The following SLC17A1 variants were observed in gnomAD, a reference collection of about 807,000 sequenced individuals.
SLC17A1 encodes the protein solute carrier family 17 member 1.
SLC17A1 carries 51 observed loss-of-function variants against 53.5 expected under a neutral mutation model. The observed-to-expected ratio is 0.95, with a 90% confidence interval of 0.76 to 1.20. The LOEUF is 1.20. Among genes scored for constraint, SLC17A1 ranks in the 50% most tolerant of loss-of-function variants. The probability of loss-of-function intolerance (pLI) is 0.00; values close to 1 mark genes in which losing one functional copy is unlikely to be tolerated. For synonymous variants in SLC17A1, 179 were observed against 198.8 expected (o/e 0.90, Z 0.84); for missense variants, 538 against 568.2 (o/e 0.95, Z 0.54).
the SLC17A1 span, among the ~76,000 whole-genome samples, chr6:25,738,874 T>C: frequency 1.3e-5 from 2 of 152,114 alleles, no homozygotes; most frequent in Non-Finnish European, 2.9e-5. Flanking sequence ...AATTTAAAAA[T>C]TGACAACATC....
chr6:25,727,536 C>T, the SLC17A1 span, among the ~76,000 whole-genome samples: 2 of 151,596 alleles, frequency 1.3e-5, no homozygotes, highest in Non-Finnish European at 2.9e-5. Flanking sequence ...GGACTACAGG[C>T]TCCCACCACT....
chr6:25,761,894 C>A, the SLC17A1 span: 1 of 1,275,066 alleles, frequency 7.8e-7, no homozygotes, highest in Non-Finnish European at 1.1e-6. Context: ...TAAGATTCTC[C>A]CTGTATTTTC....
the SLC17A1 span, chr6:25,732,076 G>T: frequency 8.9e-7 from 1 of 1,123,822 alleles, no homozygotes; most frequent in East Asian, 2.8e-5. Context: ...CATCTCTTGC[G>T]CTTTTTGTCC....
At chr6:25,814,606 A>G (rs1474131551) in intron 6 of SLC17A1, among the ~76,000 whole-genome samples, 2 of 152,222 alleles carry the variant, frequency 1.3e-5, no homozygotes, top group Non-Finnish European at 2.9e-5. Context: ...TAGACTAGAC[A>G]TGACCAAGAA....
chr6:25,797,111 A>T (rs1271779620), intron 12 of SLC17A1, among the ~76,000 whole-genome samples: 1 of 152,198 alleles, frequency 6.6e-6, no homozygotes, highest in African/African-American at 2.4e-5. Flanking sequence ...CCATCACCTT[A>T]TATGCTATTG....
chr6:25,755,079 ACACAGAGG>A, the SLC17A1 span, among the ~76,000 whole-genome samples: 1 of 149,826 alleles, frequency 6.7e-6, no homozygotes, highest in South Asian at 2.2e-4. Flanking sequence ...ACACACACAC[ACACAGAGG>A]AAGAAAGAGA....
chr6:25,729,057 C>G, the SLC17A1 span, among the ~76,000 whole-genome samples: 1 of 152,170 alleles, frequency 6.6e-6, no homozygotes, highest in Non-Finnish European at 1.5e-5. Context: ...CAGCAGGTAT[C>G]ACATAGCTGC....
At chr6:25,751,718 G>A in the SLC17A1 span, among the ~76,000 whole-genome samples, 32 of 152,180 alleles carry the variant, frequency 2.1e-4, no homozygotes, top group Non-Finnish European at 2.2e-4. Flanking sequence ...TGTTATCCCA[G>A]TGTAACTTAG....
At chr6:25,827,055 G>A (rs1764775464) in intron 2 of SLC17A1, among the ~76,000 whole-genome samples, 1 of 152,038 alleles carries the variant, frequency 6.6e-6, no homozygotes, top group Non-Finnish European at 1.5e-5. Context: ...GAAAAAAATG[G>A]CATTTTAAAA....
At chr6:25,737,886 G>T in the SLC17A1 span, among the ~76,000 whole-genome samples, 1 of 152,136 alleles carries the variant, frequency 6.6e-6, no homozygotes, top group Non-Finnish European at 1.5e-5. Context: ...TAGACATTCA[G>T]ATTCTACCTG....
the SLC17A1 span, among the ~76,000 whole-genome samples, chr6:25,767,567 A>G: frequency 1.3e-5 from 2 of 152,194 alleles, no homozygotes; most frequent in African/African-American, 2.4e-5. Flanking sequence ...ATTAAAATAC[A>G]TTTTATAAAA....
At chr6:25,804,156 G>T (rs1257038107) in intron 10 of SLC17A1, among the ~76,000 whole-genome samples, 1 of 151,998 alleles carries the variant, frequency 6.6e-6, no homozygotes, top group Admixed American at 6.6e-5. Flanking sequence ...TTGGCCTGGT[G>T]GCTATGAACA....
chr6:25,763,590 C>T, the SLC17A1 span, among the ~76,000 whole-genome samples: 2 of 152,168 alleles, frequency 1.3e-5, no homozygotes, highest in African/African-American at 4.8e-5. Flanking sequence ...CCACTCATAT[C>T]TTTGCTGTGT....
chr6:25,825,060 T>C (rs1157153646), intron 3 of SLC17A1, among the ~76,000 whole-genome samples: 1 of 152,008 alleles, frequency 6.6e-6, no homozygotes, highest in East Asian at 1.9e-4. Context: ...CATGGTTGCA[T>C]AGTTTACATC....
intron 10 of SLC17A1, among the ~76,000 whole-genome samples, chr6:25,802,370 T>C (rs775946702): frequency 1.1e-4 from 17 of 152,340 alleles, no homozygotes; most frequent in Admixed American, 6.5e-4. Context: ...TAGGGTATTA[T>C]TGTTTTCATT....
the SLC17A1 span, chr6:25,761,816 A>G: frequency 1.6e-5 from 10 of 620,400 alleles, no homozygotes; most frequent in South Asian, 1.4e-4. Context: ...CATAAACCCT[A>G]ATCTACCACT....
At chr6:25,795,632 A>G (rs551559792) in intron 12 of SLC17A1, among the ~76,000 whole-genome samples, 173 of 152,270 alleles carry the variant, frequency 1.1e-3, no homozygotes, top group African/African-American at 4.0e-3. Context: ...AAGTGGGTGA[A>G]ATAATTGAAC....
the SLC17A1 span, chr6:25,732,883 C>CAAAAAG: frequency 4.6e-6 from 1 of 219,208 alleles, no homozygotes; most frequent in Non-Finnish European, 9.1e-6. Flanking sequence ...CTAGAAGAAA[C>CAAAAAG]AAAAACAAAA....
At chr6:25,795,042 G>A (rs1763575709) in intron 12 of SLC17A1, among the ~76,000 whole-genome samples, 1 of 152,190 alleles carries the variant, frequency 6.6e-6, no homozygotes, top group Non-Finnish European at 1.5e-5. Flanking sequence ...GATACAGGTT[G>A]TTGAAGAAAC....
Sources: gnomAD v4.1 joint callset for allele counts (sites outside exome capture counted in the v4.1 genomes callset) on GRCh38, gnomAD v4.1.1 for gene constraint, MANE v1.5 for transcripts, NCBI Gene and HGNC (gene_info 2026-07-23, HGNC 2026-07-21) for gene names.